The following TBXAS1 variants were observed in gnomAD, a reference collection of about 807,000 sequenced individuals.
TBXAS1 encodes the protein thromboxane-A synthase.
Under a neutral mutation model 60.7 loss-of-function variants are expected in TBXAS1, and 48 were observed. That is an observed-to-expected ratio of 0.79 (90% confidence interval 0.63 to 1.01). TBXAS1 has a LOEUF of 1.01. Ranked by LOEUF, TBXAS1 falls within the 50% of genes least tolerant of loss-of-function variation. TBXAS1 has a pLI of 0.00. For missense variants in TBXAS1, 685 were observed against 686.3 expected (o/e 1.00, Z 0.02); for synonymous variants, 287 against 269.7 (o/e 1.06, Z -0.63).
intron 4 of TBXAS1, among the ~76,000 whole-genome samples, chr7:139,933,833 C>G (rs1038402715): frequency 7.2e-5 from 10 of 138,644 alleles, no homozygotes; most frequent in African/African-American, 1.2e-4. Flanking sequence ...CTGCTTGGTC[C>G]CCCAACCGCC....
intron 3 of TBXAS1, among the ~76,000 whole-genome samples, chr7:139,786,274 G>T (rs940896402): frequency 1.5e-4 from 22 of 151,712 alleles, no homozygotes; most frequent in African/African-American, 4.4e-4. Flanking sequence ...GAAGGAAGGG[G>T]AAGATAAACT....
At position 139,953,356 on chromosome 7, in the gene TBXAS1, A is replaced by T; in HGVS notation, c.451-12A>T. On this transcript the variant is annotated splice_polypyrimidine_tract_variant and intron_variant, in intron 5 of 12. Transcript: ENST00000448866. The stretch of plus-strand genomic sequence containing the variant: ...ATGGTGCCCTAATTACACCTTTGTT[A>T]TCCATTATCAGATGGTTCCCCTCAT... The T allele has an allele frequency of 6.2e-7, 1 of 1,610,878 alleles. No homozygotes were observed.
intron 10 of TBXAS1, among the ~76,000 whole-genome samples, chr7:140,007,635 G>A (rs1343494396): frequency 6.6e-6 from 1 of 152,138 alleles, no homozygotes; most frequent in African/African-American, 2.4e-5. Flanking sequence ...GGGACTGTCT[G>A]AGTCCTGGGA....
chr7:139,925,085 A>G (rs1369051704), intron 4 of TBXAS1, among the ~76,000 whole-genome samples: 1 of 152,130 alleles, frequency 6.6e-6, no homozygotes, highest in Non-Finnish European at 1.5e-5. Context: ...GAAGTCAAGG[A>G]TTGTGATTCC....
chr7:139,986,767 G>A (rs1450444504), intron 9 of TBXAS1, among the ~76,000 whole-genome samples: 7 of 35,988 alleles, frequency 1.9e-4, no homozygotes, highest in Non-Finnish European at 3.1e-4. Context: ...GTGTGTGTGT[G>A]TGTGTGTGTG....
chr7:139,890,929 C>A (rs551205825), intron 3 of TBXAS1, among the ~76,000 whole-genome samples: 35 of 152,104 alleles, frequency 2.3e-4, no homozygotes, highest in African/African-American at 8.4e-4. Flanking sequence ...GCAAATTGTG[C>A]ATTATCATTT....
chr7:139,849,073 A>G (rs892800757), intron 1 of TBXAS1, among the ~76,000 whole-genome samples: 1 of 151,956 alleles, frequency 6.6e-6, no homozygotes. Context: ...TCTCTGGGGG[A>G]AAAAAAACAA....
At chr7:139,915,304 C>T (rs749029059) in intron 4 of TBXAS1, among the ~76,000 whole-genome samples, 17 of 152,120 alleles carry the variant, frequency 1.1e-4, no homozygotes, top group Non-Finnish European at 2.4e-4. Context: ...ATTAGTGAGA[C>T]GTGATTTCTC....
chr7:139,921,528 T>C (rs1806469782), intron 4 of TBXAS1, among the ~76,000 whole-genome samples: 1 of 152,048 alleles, frequency 6.6e-6, no homozygotes, highest in Non-Finnish European at 1.5e-5. Flanking sequence ...GTGAGACCCC[T>C]GTCTCTACAA....
chr7:139,835,616 A>G (rs1382207737), intron 1 of TBXAS1, among the ~76,000 whole-genome samples: 1 of 152,214 alleles, frequency 6.6e-6, no homozygotes, highest in African/African-American at 2.4e-5. Flanking sequence ...TCAGCATACA[A>G]GGGACATACC....
chr7:140,019,298 G>A (rs1471153684), intron 12 of TBXAS1, among the ~76,000 whole-genome samples: 2 of 152,194 alleles, frequency 1.3e-5, no homozygotes, highest in Non-Finnish European at 2.9e-5. Context: ...GTGAGGTCAA[G>A]GGGCAGACGG....
At position 139,805,712 on chromosome 7, in the gene TBXAS1, T is replaced by TTCTCTCTC. The variant is rs1554466260; in HGVS notation, c.-80+18298_-80+18305dup. Among the ~76,000 whole-genome samples the TTCTCTCTC allele has an allele frequency of 1.2e-3, 55 of 44,350 alleles. 1 individual carries two copies. Among genetic ancestry groups the TTCTCTCTC allele is most frequent in the African/African-American group, 3.9e-3 (48 of 12,370 alleles). 29.1% of individuals were successfully genotyped at this position (44,350 alleles called of 152,430 possible). On this transcript the variant is annotated intron_variant, in intron 4 of 16. Transcript: ENST00000336425. ...TTTCTTTCTTTCTTTCTTTCTTTCT[T>TTCTCTCTC]TCTCTCTCTCTCTCTCTCTTTCTTT...
chr7:139,854,439 G>A (rs942134925), intron 1 of TBXAS1, among the ~76,000 whole-genome samples: 1 of 152,162 alleles, frequency 6.6e-6, no homozygotes, highest in Non-Finnish European at 1.5e-5. Context: ...GAAGAATTCT[G>A]AGCAGGGCTG....
At chr7:139,932,418 A>T (rs765833394) in intron 4 of TBXAS1, among the ~76,000 whole-genome samples, 23 of 152,044 alleles carry the variant, frequency 1.5e-4, no homozygotes, top group Non-Finnish European at 2.9e-4. Context: ...TCATCGCTCA[A>T]GGCAGGTTAT....
rs1805961249 is a variant in TBXAS1, at chr7:139,916,269, G to C, written c.333+4948G>C. On this transcript the variant is annotated intron_variant, in intron 4 of 12. Transcript: ENST00000448866. This position sits in a 1 kb window ranked among gnomAD's most constrained non-coding sequence, Gnocchi z 4.2. Reference sequence around the variant, plus strand: ...GCCTAGAGTTAGGGAGCTGTGGGAAGGGTGATAAGAGGTAAGCCAGTCTTT... The same window carrying C: ...GCCTAGAGTTAGGGAGCTGTGGGAACGGTGATAAGAGGTAAGCCAGTCTTT... 6.6e-6 allele frequency among the ~76,000 whole-genome samples: 1 copy of C among 152,146 alleles called. No homozygotes were observed. Among genetic ancestry groups the C allele is most frequent in the African/African-American group, 2.4e-5 (1 of 41,428 alleles).
At chr7:139,881,487 G>T (rs1405470789) in intron 3 of TBXAS1, among the ~76,000 whole-genome samples, 2 of 152,038 alleles carry the variant, frequency 1.3e-5, no homozygotes, top group African/African-American at 2.4e-5. Context: ...GTTCCATCTG[G>T]AAATTCATCC....
chr7:139,991,718 G>A (rs922360126), intron 9 of TBXAS1, among the ~76,000 whole-genome samples: 5 of 152,146 alleles, frequency 3.3e-5, no homozygotes, highest in African/African-American at 1.2e-4. Flanking sequence ...GGCCTCATAG[G>A]GCCATAATCA....
At chr7:140,007,298 C>T (rs1585046682) in intron 10 of TBXAS1, 116 bp downstream of exon 10, 16 of 911,042 alleles carry the variant, frequency 1.8e-5, no homozygotes, top group South Asian at 8.1e-5. Flanking sequence ...TGGAGGGCAA[C>T]GCCTGAGTCC....
chr7:139,913,739 G>C (rs1805728470), intron 4 of TBXAS1: 1 of 152,654 alleles, frequency 6.6e-6, no homozygotes, highest in Admixed American at 6.5e-5. Flanking sequence ...CTCCAGAGTA[G>C]AGTTCCAATT....
Sources: allele counts gnomAD v4.1 joint callset (sites outside exome capture counted in the v4.1 genomes callset), GRCh38; gene constraint gnomAD v4.1.1; non-coding constraint Gnocchi (gnomAD v3.1); transcripts MANE v1.5; gene names NCBI Gene and HGNC (gene_info 2026-07-23, HGNC 2026-07-21).